The following RSPO2 variants were observed in gnomAD, a reference collection of about 807,000 sequenced individuals.
RSPO2 encodes R-spondin-2.
A neutral mutation model predicts 30.9 loss-of-function variants in RSPO2; 14 were observed. The ratio of observed to expected loss-of-function variants is 0.45; its 90% confidence interval spans 0.30 to 0.71. The LOEUF is 0.71. Ranked by LOEUF, RSPO2 falls within the 30% of genes least tolerant of loss-of-function variation. RSPO2 has a pLI of 0.08. For synonymous variants in RSPO2, 107 were observed against 96.4 expected (o/e 1.11, Z -0.64); for missense variants, 264 against 301.9 (o/e 0.87, Z 0.93).
At chr8:108,006,684 C>A (rs1815463744) in intron 2 of RSPO2, among the ~76,000 whole-genome samples, 1 of 151,680 alleles carries the variant, frequency 6.6e-6, no homozygotes, top group African/African-American at 2.4e-5. Flanking sequence ...GTCAACTTTA[C>A]AAACTCCAAA....
intron 3 of RSPO2, among the ~76,000 whole-genome samples, chr8:107,968,492 T>C (rs1240972100): frequency 2.0e-5 from 3 of 151,998 alleles, no homozygotes; most frequent in Admixed American, 6.6e-5. Flanking sequence ...AATCATATAG[T>C]TAGATGGAAG....
At chr8:107,930,321 T>C (rs1812513605) in intron 5 of RSPO2, among the ~76,000 whole-genome samples, 3 of 152,304 alleles carry the variant, frequency 2.0e-5, no homozygotes, top group Admixed American at 1.3e-4. Context: ...CTTGGTTATA[T>C]AAGAGCTGAA....
chr8:107,949,136 C>A (rs1813161430), intron 5 of RSPO2, among the ~76,000 whole-genome samples: 1 of 151,972 alleles, frequency 6.6e-6, no homozygotes, highest in Admixed American at 6.6e-5. Flanking sequence ...ACACTGTACT[C>A]AATGTGTAGT....
intron 2 of RSPO2, among the ~76,000 whole-genome samples, chr8:108,020,496 G>A (rs948337460): frequency 6.6e-6 from 1 of 152,130 alleles, no homozygotes; most frequent in Non-Finnish European, 1.5e-5. Context: ...TCTCATCTGT[G>A]CACATAACAG....
At chr8:107,927,045 ATT>A (rs1221351307) in intron 5 of RSPO2, among the ~76,000 whole-genome samples, 7 of 152,106 alleles carry the variant, frequency 4.6e-5, no homozygotes, top group African/African-American at 1.7e-4. Context: ...ATGTTCTTCC[ATT>A]TGTTTGTGTC....
At chr8:108,043,597 T>TG (rs1371153768) in intron 2 of RSPO2, among the ~76,000 whole-genome samples, 7 of 112,246 alleles carry the variant, frequency 6.2e-5, no homozygotes, top group South Asian at 5.8e-4. Flanking sequence ...AAAAGTATCT[T>TG]GGAAAAAAAA....
At chr8:107,921,078 A>G (rs1021531871) in intron 5 of RSPO2, among the ~76,000 whole-genome samples, 3 of 152,120 alleles carry the variant, frequency 2.0e-5, no homozygotes, top group African/African-American at 4.8e-5. Flanking sequence ...AGATTTATGT[A>G]TATAATTAGA....
intron 5 of RSPO2, among the ~76,000 whole-genome samples, chr8:107,951,661 T>A (rs2130411335): frequency 6.6e-6 from 1 of 152,268 alleles, no homozygotes; most frequent in Middle Eastern, 3.4e-3. Flanking sequence ...GAAATGGGGC[T>A]GGCAGAGATT....
chr8:107,932,498 T>C (rs1057127794), intron 5 of RSPO2, among the ~76,000 whole-genome samples: 3 of 151,926 alleles, frequency 2.0e-5, no homozygotes, highest in African/African-American at 7.3e-5. Flanking sequence ...GATTAGGCGC[T>C]GGAGTAATAA....
At chr8:107,929,505 A>G (rs1812486026) in intron 5 of RSPO2, among the ~76,000 whole-genome samples, 1 of 152,158 alleles carries the variant, frequency 6.6e-6, no homozygotes, top group South Asian at 2.1e-4. Context: ...CCAAGCAAGC[A>G]AATAATATGC....
chr8:107,920,167 T>C (rs1331960987), intron 5 of RSPO2, among the ~76,000 whole-genome samples: 2 of 151,838 alleles, frequency 1.3e-5, no homozygotes, highest in African/African-American at 2.4e-5. Flanking sequence ...ATGTGAAGAG[T>C]TGATTCTCTC....
At chr8:107,993,787 C>T (rs1365248191) in intron 2 of RSPO2, among the ~76,000 whole-genome samples, 1 of 152,148 alleles carries the variant, frequency 6.6e-6, no homozygotes, top group South Asian at 2.1e-4. Flanking sequence ...TTGCTTCTTT[C>T]AGTCTTTGGT....
chr8:107,953,484 G>A (rs1162446100), intron 5 of RSPO2, among the ~76,000 whole-genome samples: 1 of 152,196 alleles, frequency 6.6e-6, no homozygotes, highest in East Asian at 1.9e-4. Flanking sequence ...AAATTGGAAG[G>A]GATGGCGATG....
chr8:108,014,638 G>A (rs1810818192), intron 2 of RSPO2, among the ~76,000 whole-genome samples: 1 of 151,528 alleles, frequency 6.6e-6, no homozygotes. Context: ...AGTGGGAGTT[G>A]AACAATGAGA....
chr8:107,976,354 C>T (rs1046010895), intron 3 of RSPO2, among the ~76,000 whole-genome samples: 19 of 152,328 alleles, frequency 1.2e-4, no homozygotes, highest in African/African-American at 4.6e-4. Flanking sequence ...CTGTTCTTAG[C>T]TCTCCATACT....
chr8:107,922,409 C>A (rs1451662287), intron 5 of RSPO2, among the ~76,000 whole-genome samples: 4 of 150,096 alleles, frequency 2.7e-5, no homozygotes, highest in South Asian at 4.2e-4. Flanking sequence ...GAAAGATCTA[C>A]AAAACACTGC....
chr8:108,052,645 G>A (rs1812110665), intron 2 of RSPO2, among the ~76,000 whole-genome samples: 1 of 152,024 alleles, frequency 6.6e-6, no homozygotes, highest in African/African-American at 2.4e-5. Flanking sequence ...AATGGTCACC[G>A]CACACTTGCC....
chr8:107,968,177 G>C lies in RSPO2; in HGVS notation c.284-7360C>G, dbSNP rs181329229. On this transcript the variant is annotated intron_variant, in intron 3 of 5. Coordinates refer to ENST00000276659, the MANE Select transcript of RSPO2 (RefSeq NM_178565.5). ...TTGCAGCACTATTTATAATAGCCAA[G>C]ATATGGAATTAACCTGAGTGCCCAC... 3.9e-5 allele frequency among the ~76,000 whole-genome samples: 6 copies of C among 152,148 alleles called. No homozygotes were observed. The East Asian group carries it at 1.2e-3, about 29-fold the overall frequency.
intron 2 of RSPO2, among the ~76,000 whole-genome samples, chr8:108,025,013 G>C (rs569126872): frequency 9.2e-5 from 14 of 152,164 alleles, no homozygotes; most frequent in Middle Eastern, 3.4e-3. Flanking sequence ...GAAAGACCCT[G>C]TCTCAAAAAA....
Sources: allele counts gnomAD v4.1 joint callset (sites outside exome capture counted in the v4.1 genomes callset), GRCh38; gene constraint gnomAD v4.1.1; transcripts MANE v1.5; gene names NCBI Gene and HGNC (gene_info 2026-07-23, HGNC 2026-07-21).